Variants in AP1AR observed in about 807,000 individuals in gnomAD.
AP1AR encodes the protein adaptor related protein complex 1 associated regulatory protein, also known as AP-1 complex-associated regulatory protein.
Under a neutral mutation model 46.3 loss-of-function variants are expected in AP1AR, and 29 were observed. The observed-to-expected ratio is 0.63, with a 90% confidence interval of 0.47 to 0.85. AP1AR has a LOEUF of 0.85. AP1AR is among the 40% of genes least tolerant of loss of function. The probability of loss-of-function intolerance (pLI) is 0.00; values close to 1 mark genes in which losing one functional copy is unlikely to be tolerated. For missense variants in AP1AR, 357 were observed against 356.3 expected (o/e 1.00, Z -0.02); for synonymous variants, 122 against 122.9 (o/e 0.99, Z 0.05).
At position 112,255,047 on chromosome 4, in the gene AP1AR, G is replaced by A. The variant is rs542773131; in HGVS notation, c.159+274G>A. 1.2e-3 allele frequency among the ~76,000 whole-genome samples: 179 copies of A among 151,076 alleles called. 1 individual carries two copies. Among genetic ancestry groups the A allele is most frequent in the African/African-American group, 4.1e-3 (167 of 41,134 alleles). On this transcript the variant is annotated intron_variant, in intron 3 of 9. Coordinates refer to ENST00000274000, the MANE Select transcript of AP1AR (RefSeq NM_018569.6). ...GGGATCTCGGCTCACTGCAAGCTCC[G>A]CCTCCCGGGTCACGCCATTCTCCTG...
intron 1 of AP1AR, among the ~76,000 whole-genome samples, chr4:112,245,070 A>G (rs550408126): frequency 1.3e-5 from 2 of 152,240 alleles, no homozygotes; most frequent in South Asian, 2.1e-4. Flanking sequence ...TAGGGTGGCT[A>G]TTCTCCTTTA....
intron 1 of AP1AR, among the ~76,000 whole-genome samples, chr4:112,235,717 G>T (rs1725210947): frequency 1.3e-5 from 2 of 152,146 alleles, no homozygotes; most frequent in Admixed American, 1.3e-4. Context: ...TGAATTCAGA[G>T]TTCTTATCCT....
At chr4:112,263,652 G>A (rs575858304) in intron 6 of AP1AR, among the ~76,000 whole-genome samples, 4 of 152,136 alleles carry the variant, frequency 2.6e-5, no homozygotes, top group South Asian at 2.1e-4. Flanking sequence ...CAGATTTACC[G>A]TATCTTACCA....
At position 112,265,929 on chromosome 4, in the gene AP1AR, A is replaced by G. The variant is rs570618210; in HGVS notation, c.514+122A>G. 48 of 616,228 alleles carry G rather than the reference A, an allele frequency of 7.8e-5. No individual in the cohort carries two copies. In the South Asian group the frequency reaches 8.9e-4, roughly 11 times the overall value. The allele number at this position is 616,228 out of a possible 1,614,324, so 38.2% of individuals were successfully genotyped here. On this transcript the variant is annotated intron_variant, in intron 8 of 9. Transcript: ENST00000274000. ...AAATTTGTAATTCCCAGATAGGTCA[A>G]TTTCCTAGGTAGTCATTAATTATAC...
intron 9 of AP1AR, among the ~76,000 whole-genome samples, chr4:112,267,130 A>G (rs761156734): frequency 2.6e-5 from 4 of 151,880 alleles, no homozygotes; most frequent in East Asian, 1.9e-4. Context: ...TTTCTTATCT[A>G]TAGAAATAAC....
intron 7 of AP1AR, 120 bp downstream of exon 7, chr4:112,265,187 A>T (rs1726648509): frequency 1.5e-6 from 1 of 689,644 alleles, no homozygotes; most frequent in South Asian, 3.2e-5. Context: ...CCTAAAAATT[A>T]TTCCTTCTAA....
At chr4:112,252,524 TA>T (rs1726002236) in intron 1 of AP1AR, among the ~76,000 whole-genome samples, 1 of 152,230 alleles carries the variant, frequency 6.6e-6, no homozygotes, top group Non-Finnish European at 1.5e-5. Context: ...ACTTAGAATG[TA>T]GACATATCTT....
At chr4:112,254,614 A>G in intron 2 of AP1AR, 133 bp from the exon 3 acceptor site, 1 of 501,028 alleles carries the variant, frequency 2.0e-6, no homozygotes, top group Non-Finnish European at 3.5e-6. Context: ...GATGTATTAA[A>G]GAGGCATTTG....
intron 1 of AP1AR, among the ~76,000 whole-genome samples, chr4:112,241,424 A>G (rs1417099414): frequency 2.0e-5 from 3 of 152,212 alleles, no homozygotes. Context: ...GACCCAGGAA[A>G]GCTGGTCGTG....
chr4:112,258,438 G>C (rs1171798996), intron 4 of AP1AR, among the ~76,000 whole-genome samples: 1 of 152,158 alleles, frequency 6.6e-6, no homozygotes. Context: ...GAACATCCTG[G>C]TCTGGGAGAT....
chr4:112,266,564 A>C (rs559145232), intron 8 of AP1AR, 24 bp from the exon 9 acceptor site: 2 of 1,604,004 alleles, frequency 1.2e-6, no homozygotes, highest in African/African-American at 2.7e-5. Flanking sequence ...GAGAGTATTC[A>C]ATTGTATTTC....
chr4:112,242,536 C>T (rs1458328357), intron 1 of AP1AR, among the ~76,000 whole-genome samples: 1 of 152,130 alleles, frequency 6.6e-6, no homozygotes, highest in Non-Finnish European at 1.5e-5. Flanking sequence ...GTGCAGACTG[C>T]TTCCACTAGT....
At chr4:112,259,143 A>G (rs1214438605) in intron 4 of AP1AR, among the ~76,000 whole-genome samples, 1 of 152,216 alleles carries the variant, frequency 6.6e-6, no homozygotes, top group East Asian at 1.9e-4. Flanking sequence ...ACACTGTCCC[A>G]TGAAACTGAG....
intron 9 of AP1AR, among the ~76,000 whole-genome samples, chr4:112,267,352 C>A (rs562854075): frequency 6.6e-6 from 1 of 152,048 alleles, no homozygotes; most frequent in South Asian, 2.1e-4. Context: ...AATTTCTTTT[C>A]TGTCCTGTCT....
At chr4:112,236,796 T>C (rs1180130663) in intron 1 of AP1AR, among the ~76,000 whole-genome samples, 3 of 152,220 alleles carry the variant, frequency 2.0e-5, no homozygotes, top group Non-Finnish European at 2.9e-5. Context: ...CTCAGGATGA[T>C]ATTTAGTTCT....
At chr4:112,266,834 A>G in intron 9 of AP1AR, 118 bp downstream of exon 9, 1 of 1,002,320 alleles carries the variant, frequency 1.0e-6, no homozygotes, top group Non-Finnish European at 1.4e-6. Context: ...AAAATCATAT[A>G]AACACTTTTT....
chr4:112,255,445 T>G (rs1157718536), intron 3 of AP1AR, among the ~76,000 whole-genome samples: 6 of 152,216 alleles, frequency 3.9e-5, no homozygotes, highest in Admixed American at 3.3e-4. Flanking sequence ...GCCGTTGTTT[T>G]CTTTTTAAGA....
At chr4:112,236,771 C>T (rs1021776978) in intron 1 of AP1AR, among the ~76,000 whole-genome samples, 2 of 152,182 alleles carry the variant, frequency 1.3e-5, no homozygotes, top group African/African-American at 4.8e-5. Flanking sequence ...GTATGGCATA[C>T]TGTCCCTTTG....
chr4:112,249,895 A>G (rs1176433259), intron 1 of AP1AR, among the ~76,000 whole-genome samples: 2 of 152,172 alleles, frequency 1.3e-5, no homozygotes, highest in Non-Finnish European at 2.9e-5. Flanking sequence ...CTTTTCTTTC[A>G]TGGCAATTAC....
Sources: gnomAD v4.1 joint callset for allele counts (sites outside exome capture counted in the v4.1 genomes callset) on GRCh38, gnomAD v4.1.1 for gene constraint, MANE v1.5 for transcripts, NCBI Gene and HGNC (gene_info 2026-07-23, HGNC 2026-07-21) for gene names.